Variants in COL14A1 observed in about 807,000 individuals in gnomAD.
COL14A1 encodes collagen alpha-1(XIV) chain.
Under a neutral mutation model 230.3 loss-of-function variants are expected in COL14A1, and 136 were observed. The ratio of observed to expected loss-of-function variants is 0.59; its 90% confidence interval spans 0.51 to 0.68. The LOEUF (loss-of-function observed/expected upper bound fraction) is 0.68. COL14A1 is among the 30% of genes least tolerant of loss of function. The probability of loss-of-function intolerance (pLI) is 0.00; values close to 1 mark genes in which losing one functional copy is unlikely to be tolerated. For synonymous variants in COL14A1, 792 were observed against 784.1 expected (o/e 1.01, Z -0.17); for missense variants, 1,976 against 2,215.8 (o/e 0.89, Z 2.17).
intron 17 of COL14A1, 50 bp downstream of exon 17, chr8:120,227,402 C>T: frequency 6.3e-7 from 1 of 1,595,952 alleles, no homozygotes; most frequent in Non-Finnish European, 8.5e-7. Flanking sequence ...CACAATCCCT[C>T]TTTACCCCAT....
intron 45 of COL14A1, among the ~76,000 whole-genome samples, chr8:120,354,934 G>C (rs1181655370): frequency 6.6e-6 from 1 of 152,084 alleles, no homozygotes; most frequent in African/African-American, 2.4e-5. Flanking sequence ...ATTTTTCCAT[G>C]GGATGCTAGT....
chr8:120,172,497 G>T (rs779007519), intron 5 of COL14A1, among the ~76,000 whole-genome samples: 4 of 152,082 alleles, frequency 2.6e-5, no homozygotes, highest in Admixed American at 1.3e-4. Context: ...CATTCATGGG[G>T]CTGGTTTCTT....
intron 5 of COL14A1, among the ~76,000 whole-genome samples, chr8:120,193,319 C>G (rs1283720072): frequency 1.3e-5 from 2 of 152,156 alleles, no homozygotes; most frequent in African/African-American, 4.8e-5. Context: ...CACTCCAGAC[C>G]CTGTTTGCCT....
In COL14A1 at chr8:120,300,814, C is replaced by A; in HGVS notation, c.4397C>A (p.Pro1466Gln). 6.2e-7 allele frequency: 1 copy of A among 1,612,698 alleles called. No homozygotes were observed. Among genetic ancestry groups the A allele is most frequent in the Non-Finnish European group, 8.5e-7 (1 of 1,179,118 alleles). The change falls in exon 36 of 48, where the codon CCA (proline) becomes CAA (glutamine). Residue 1466 changes from proline (P) to glutamine (Q), a missense_variant. Around this residue, in one of 3 missense-constraint regions of COL14A1, gnomAD observed 1,791 missense variants for 2,019.5 expected, o/e 0.89. Coordinates refer to ENST00000297848, the MANE Select transcript of COL14A1 (RefSeq NM_021110.4). ...GAAGTGGCTCTGGGACCAGCGGGCC[C>A]ACCAGTAAGTCTTGCTGAGTTCAGC... The part of the protein sequence containing the change: ...TNEVALGPAG[P>Q]PGGPGLRGPK...
In COL14A1 at chr8:120,342,255, C is replaced by G. The variant is rs184920810; in HGVS notation, c.4822-125C>G. On this transcript the variant is annotated intron_variant, in intron 43 of 47. Transcript: ENST00000297848. ...GCATGCACCGTGGTGGTCAAACCCA[C>G]CTGTTGCTAGGGGCCAAAGATCCCT... 726 of 888,932 alleles carry G rather than the reference C, an allele frequency of 8.2e-4. 3 individuals carry two copies. In the African/African-American group the frequency reaches 0.011, roughly 14 times the overall value. The allele number at this position is 888,932 out of a possible 1,614,324, so 55.1% of individuals were successfully genotyped here.
intron 3 of COL14A1, among the ~76,000 whole-genome samples, chr8:120,161,662 C>T (rs1213565019): frequency 6.6e-6 from 1 of 152,028 alleles, no homozygotes; most frequent in Admixed American, 6.6e-5. Context: ...CCCATATCTC[C>T]CCTTCACATT....
At chr8:120,360,331 A>G (rs1823150357) in intron 45 of COL14A1, among the ~76,000 whole-genome samples, 1 of 152,172 alleles carries the variant, frequency 6.6e-6, no homozygotes, top group African/African-American at 2.4e-5. Context: ...ATTAAGTAGG[A>G]GGTACTGAAG....
At chr8:120,172,709 A>G (rs534705099) in intron 5 of COL14A1, among the ~76,000 whole-genome samples, 14 of 152,308 alleles carry the variant, frequency 9.2e-5, no homozygotes, top group Middle Eastern at 3.4e-3. Flanking sequence ...GCTTAGGCCA[A>G]TGTACAACTT....
At chr8:120,242,184 T>C (rs10955964) in intron 19 of COL14A1, among the ~76,000 whole-genome samples, 110,777 of 152,060 alleles carry the variant, frequency 0.73, 41,080 homozygotes, top group African/African-American at 0.86. Flanking sequence ...CTAACAAAAT[T>C]TCAAATCCAA....
chr8:120,315,396 GTATA>G, intron 38 of COL14A1, 133 bp from the exon 39 acceptor site: 1 of 333,180 alleles, frequency 3.0e-6, no homozygotes, highest in Non-Finnish European at 5.4e-6. Context: ...AAAAAAAAGT[GTATA>G]TATATATATT....
At chr8:120,299,742 C>T (rs1457523265) in intron 35 of COL14A1, among the ~76,000 whole-genome samples, 1 of 152,002 alleles carries the variant, frequency 6.6e-6, no homozygotes, top group Non-Finnish European at 1.5e-5. Flanking sequence ...TACTGTTGTC[C>T]AACATTTAGA....
At chr8:120,294,904 C>T (rs1015572503) in intron 34 of COL14A1, among the ~76,000 whole-genome samples, 15 of 151,680 alleles carry the variant, frequency 9.9e-5, no homozygotes, top group African/African-American at 3.4e-4. Context: ...AGCATTCAAC[C>T]CCGGAATAAA....
chr8:120,222,267 A>G (rs554179195), intron 14 of COL14A1, among the ~76,000 whole-genome samples: 8 of 152,338 alleles, frequency 5.3e-5, no homozygotes, highest in Admixed American at 3.3e-4. Flanking sequence ...AATAAGTGCT[A>G]AAAATGACCT....
At chr8:120,182,562 A>G (rs1417982503) in intron 5 of COL14A1, among the ~76,000 whole-genome samples, 1 of 152,208 alleles carries the variant, frequency 6.6e-6, no homozygotes. Context: ...AAATGGGAAT[A>G]TAATACACTG....
At chr8:120,337,375 G>A (rs936273910) in intron 42 of COL14A1, among the ~76,000 whole-genome samples, 13 of 141,564 alleles carry the variant, frequency 9.2e-5, no homozygotes, top group Non-Finnish European at 1.7e-4. Flanking sequence ...CAGCCTGGGC[G>A]ACAAAGCAAG....
intron 23 of COL14A1, among the ~76,000 whole-genome samples, chr8:120,260,190 A>G (rs936493769): frequency 4.6e-5 from 7 of 152,170 alleles, no homozygotes; most frequent in African/African-American, 1.2e-4. Context: ...TCTATTTAAC[A>G]AATAGCTTTA....
chr8:120,364,441 C>T (rs1823333055), intron 45 of COL14A1, among the ~76,000 whole-genome samples: 1 of 152,196 alleles, frequency 6.6e-6, no homozygotes, highest in Admixed American at 6.5e-5. Flanking sequence ...TGATTTTTAA[C>T]AAGGTTGCTT....
At chr8:120,221,306 A>G (rs943029957) in intron 14 of COL14A1, among the ~76,000 whole-genome samples, 1 of 152,188 alleles carries the variant, frequency 6.6e-6, no homozygotes, top group Non-Finnish European at 1.5e-5. Context: ...AAACAGTTTC[A>G]TAACAATGAG....
At chr8:120,186,666 C>T (rs576135972) in intron 5 of COL14A1, among the ~76,000 whole-genome samples, 5 of 152,130 alleles carry the variant, frequency 3.3e-5, no homozygotes, top group South Asian at 2.1e-4. Context: ...TTTCCCAGTG[C>T]GGTAGTGTGG....
Sources: gnomAD v4.1 joint callset for allele counts (sites outside exome capture counted in the v4.1 genomes callset) on GRCh38, gnomAD v4.1.1 for gene constraint, gnomAD v4.1.1 regional missense constraint, MANE v1.5 for transcripts, NCBI Gene and HGNC (gene_info 2026-07-23, HGNC 2026-07-21) for gene names.